PHF21B: variants seen among roughly 807,000 people sequenced by gnomAD.
PHF21B encodes PHD finger protein 21B, also known as PHD finger protein 4.
In PHF21B, 22 loss-of-function variants were observed where a neutral mutation model predicts 62.2. That is an observed-to-expected ratio of 0.35 (90% CI 0.25 to 0.51). The LOEUF (loss-of-function observed/expected upper bound fraction) is 0.51, where lower values mean the gene tolerates loss of function less well. PHF21B is among the 20% of genes least tolerant of loss of function. The pLI, the probability that PHF21B is intolerant of heterozygous loss-of-function variation, is 0.97. For missense variants in PHF21B, 701 were observed against 707.9 expected, an observed-to-expected ratio of 0.99 and a Z score of 0.11; for synonymous variants, 341 against 314.7, an observed-to-expected ratio of 1.08 and a Z score of -0.88.
chr22:44,905,536 A>ATGT (rs1328232331), intron 5 of PHF21B, among the ~76,000 whole-genome samples: 3 of 152,176 alleles, frequency 2.0e-5, no homozygotes, highest in African/African-American at 7.2e-5. Flanking sequence ...CATGTTCGAA[A>ATGT]TGTTGATTTC....
chr22:45,008,815 G>A, intron 1 of PHF21B: 1 of 1,183,866 alleles, frequency 8.4e-7, no homozygotes, highest in Non-Finnish European at 1.0e-6. Flanking sequence ...GCCTCATCGG[G>A]GCAGCTCGCG....
At chr22:44,884,225 C>CACCACT (rs1264978896) in intron 12 of PHF21B, among the ~76,000 whole-genome samples, 1 of 151,334 alleles carries the variant, frequency 6.6e-6, no homozygotes, top group African/African-American at 2.4e-5. Context: ...CCACCACCAC[C>CACCACT]ACCACTGTGA....
At position 44,891,314 on chromosome 22, in the gene PHF21B, G is replaced by A. The variant is rs1358303134; in HGVS notation, c.1007C>T (p.Thr336Ile). Reference protein sequence around the residue: ...SNYLNNPLFLTARANEDPCWK... With the variant: ...SNYLNNPLFLIARANEDPCWK... ...CTGAAGCCGGTGCTTACCTCTCGCTGTGAGGAACAGGGGGTTGTTGAGATA... is the reference window on the plus strand; with the variant it reads ...CTGAAGCCGGTGCTTACCTCTCGCTATGAGGAACAGGGGGTTGTTGAGATA... The change falls in exon 8 of 13, where the codon ACA becomes ATA. Residue 336 changes from threonine to isoleucine, a missense_variant. Thr to Ile is a moderately conservative substitution (Grantham distance 89). Transcript: ENST00000313237. The A allele has an allele frequency of 6.2e-7, 1 of 1,613,968 alleles. No individual in the cohort carries two copies. Among genetic ancestry groups the A allele is most frequent in the Non-Finnish European group, 8.5e-7 (1 of 1,180,000 alleles).
chr22:45,007,230 C>T (rs571593528), intron 2 of PHF21B, among the ~76,000 whole-genome samples: 1 of 44,532 alleles, frequency 2.2e-5, no homozygotes, highest in Non-Finnish European at 4.9e-5. Flanking sequence ...CCGGCCCCCC[C>T]CAAAACCCGC....
chr22:44,943,683 G>A (rs1235766789), intron 2 of PHF21B, among the ~76,000 whole-genome samples: 2 of 152,078 alleles, frequency 1.3e-5, no homozygotes, highest in East Asian at 3.9e-4. Context: ...ACAGGTTTGG[G>A]GTCCACATTC....
intron 5 of PHF21B, among the ~76,000 whole-genome samples, chr22:44,899,166 G>A (rs1469592693): frequency 6.6e-6 from 1 of 152,068 alleles, no homozygotes; most frequent in Non-Finnish European, 1.5e-5. Flanking sequence ...TGAGGATGAG[G>A]GAATCAGTTG....
At chr22:44,932,035 C>T (rs191530535) in intron 2 of PHF21B, among the ~76,000 whole-genome samples, 3 of 152,336 alleles carry the variant, frequency 2.0e-5, no homozygotes, top group African/African-American at 2.4e-5. Flanking sequence ...CAGGGAAAGA[C>T]GCAGCCTTGA....
At chr22:44,952,670 A>G (rs2072216962) in intron 2 of PHF21B, among the ~76,000 whole-genome samples, 1 of 152,226 alleles carries the variant, frequency 6.6e-6, no homozygotes, top group Admixed American at 6.5e-5. Context: ...GATACTTTCC[A>G]CATCTCCTAT....
At chr22:44,981,627 T>C (rs532740499) in intron 2 of PHF21B, among the ~76,000 whole-genome samples, 5 of 152,010 alleles carry the variant, frequency 3.3e-5, no homozygotes, top group Admixed American at 2.6e-4. Flanking sequence ...CAGTGAAGAG[T>C]GGACCTGAGA....
rs575291055 is a variant in PHF21B at position 44,915,614 on chromosome 22, G to T, written c.564+666C>A. Among the ~76,000 whole-genome samples the T allele has an allele frequency of 2.1e-3, 326 of 152,340 alleles. 2 individuals carry two copies. Among genetic ancestry groups the T allele is most frequent in the African/African-American group, 7.7e-3 (319 of 41,582 alleles). ...GTGCAACAGCACCAGCTCACATGAG[G>T]GTCGGCCGTCAACATCCAGGCTGGG... On this transcript the variant is annotated intron_variant, in intron 4 of 12. Coordinates refer to ENST00000313237, the MANE Select transcript of PHF21B (RefSeq NM_138415.5).
intron 2 of PHF21B, among the ~76,000 whole-genome samples, chr22:44,980,907 T>C (rs559528840): frequency 6.6e-6 from 1 of 152,374 alleles, no homozygotes; most frequent in African/African-American, 2.4e-5. Context: ...TTACTGCTAA[T>C]TGTAATATCG....
intron 2 of PHF21B, among the ~76,000 whole-genome samples, chr22:44,941,115 A>G (rs1026590258): frequency 6.6e-6 from 1 of 152,184 alleles, no homozygotes; most frequent in Non-Finnish European, 1.5e-5. Flanking sequence ...GCGCGTGCTC[A>G]CAATGACCAT....
At chr22:44,926,744 T>G (rs765407043) in intron 2 of PHF21B, among the ~76,000 whole-genome samples, 2 of 152,122 alleles carry the variant, frequency 1.3e-5, no homozygotes, top group African/African-American at 2.4e-5. Context: ...GTGTGTTTTG[T>G]GTGTTGCTGC....
intron 2 of PHF21B, among the ~76,000 whole-genome samples, chr22:44,984,158 T>TTAC (rs2072898528): frequency 1.2e-3 from 1 of 838 alleles, no homozygotes; most frequent in Non-Finnish European, 2.6e-3. Context: ...ATCACCACCA[T>TTAC]CACCACCATC....
rs139940527 is a variant in PHF21B, at chr22:44,921,654, C to T, written c.121-1164G>A. ...AAGTGCTAGGATTACAGGCATGAGC[C>T]ACGGAACCCAGCCTTTCTTTTTCAG... On this transcript the variant is annotated intron_variant, in intron 2 of 12. Coordinates refer to ENST00000313237, the MANE Select transcript of PHF21B (RefSeq NM_138415.5). Among the ~76,000 whole-genome samples, 424 of 151,782 alleles carry T rather than the reference C, an allele frequency of 2.8e-3. 4 individuals are homozygous for T. Among genetic ancestry groups the T allele is most frequent in the African/African-American group, 9.7e-3 (402 of 41,324 alleles).
intron 5 of PHF21B, among the ~76,000 whole-genome samples, chr22:44,903,019 C>A (rs2071187699): frequency 6.6e-6 from 1 of 152,200 alleles, no homozygotes; most frequent in African/African-American, 2.4e-5. Context: ...GCCTCCTCTG[C>A]CTCTCCCCCA....
chr22:44,958,447 G>A (rs1466030306), intron 2 of PHF21B, among the ~76,000 whole-genome samples: 3 of 152,030 alleles, frequency 2.0e-5, no homozygotes. Flanking sequence ...GCATCCATAT[G>A]GTTCTCTCTG....
chr22:44,891,544 G>A (rs968285183), intron 7 of PHF21B, among the ~76,000 whole-genome samples, 184 bp from the exon 8 acceptor site: 1 of 152,176 alleles, frequency 6.6e-6, no homozygotes, highest in Non-Finnish European at 1.5e-5. Flanking sequence ...CGCAGGAATG[G>A]CTGAGGATGG....
chr22:44,888,834 G>C (rs1387229988), intron 9 of PHF21B, among the ~76,000 whole-genome samples: 1 of 152,164 alleles, frequency 6.6e-6, no homozygotes, highest in Non-Finnish European at 1.5e-5. Flanking sequence ...CACACAGGGA[G>C]GGGGAGGCAG....
Sources: gnomAD v4.1 joint callset for allele counts (sites outside exome capture counted in the v4.1 genomes callset) on GRCh38, gnomAD v4.1.1 for gene constraint, MANE v1.5 for transcripts, NCBI Gene and HGNC (gene_info 2026-07-23, HGNC 2026-07-21) for gene names.